CRPPA: variants seen among roughly 807,000 people sequenced by gnomAD.
CRPPA encodes the protein D-ribitol-5-phosphate cytidylyltransferase.
In CRPPA, 43 loss-of-function variants were observed where a neutral mutation model predicts 52.0. That is an observed-to-expected ratio of 0.83 (90% CI 0.65 to 1.07). The LOEUF (loss-of-function observed/expected upper bound fraction) is 1.07. Among genes scored for constraint, CRPPA ranks in the 50% least tolerant of loss-of-function variants. The pLI is 0.00. For synonymous variants in CRPPA, 250 were observed against 203.5 expected, an observed-to-expected ratio of 1.23 and a Z score of -1.94; for missense variants, 629 against 551.7, an observed-to-expected ratio of 1.14 and a Z score of -1.40.
At chr7:16,193,122 T>C (rs1341695599) in intron 9 of CRPPA, among the ~76,000 whole-genome samples, 2 of 152,174 alleles carry the variant, frequency 1.3e-5, no homozygotes, top group Non-Finnish European at 2.9e-5. Flanking sequence ...TGCATTGAAT[T>C]ACAGCTCACT....
At chr7:16,158,935 T>C (rs1288133671) in intron 9 of CRPPA, among the ~76,000 whole-genome samples, 3 of 151,714 alleles carry the variant, frequency 2.0e-5, no homozygotes, top group Admixed American at 2.0e-4. Context: ...TCTTCTTTTG[T>C]GTTTTGTTTT....
intron 9 of CRPPA, among the ~76,000 whole-genome samples, chr7:16,126,864 A>C (rs1183524203): frequency 6.6e-6 from 1 of 152,196 alleles, no homozygotes; most frequent in African/African-American, 2.4e-5. Flanking sequence ...TGTCATAGAA[A>C]AATGAGCAAC....
intron 9 of CRPPA, among the ~76,000 whole-genome samples, chr7:16,146,704 A>G (rs1782981067): frequency 1.3e-5 from 2 of 151,374 alleles, no homozygotes; most frequent in Admixed American, 6.6e-5. Flanking sequence ...AGACTGTTAT[A>G]CCTATAAGAT....
At chr7:16,121,156 C>G (rs773096839) in intron 9 of CRPPA, among the ~76,000 whole-genome samples, 2 of 152,076 alleles carry the variant, frequency 1.3e-5, no homozygotes, top group Non-Finnish European at 2.9e-5. Context: ...GAATTGAAAT[C>G]TAGAGAGTCC....
intron 6 of CRPPA, among the ~76,000 whole-genome samples, chr7:16,272,953 T>C (rs1784121657): frequency 6.7e-6 from 1 of 148,712 alleles, no homozygotes; most frequent in Admixed American, 6.7e-5. Context: ...ATATCCTTTG[T>C]CGCTTTTTTT....
chr7:16,296,137 A>G (rs1784670533), intron 5 of CRPPA, among the ~76,000 whole-genome samples: 1 of 152,180 alleles, frequency 6.6e-6, no homozygotes, highest in Admixed American at 6.5e-5. Context: ...ATAGTTTACC[A>G]TAAATGAAAA....
chr7:16,347,461 G>A (rs1167857886), intron 3 of CRPPA, among the ~76,000 whole-genome samples: 2 of 152,124 alleles, frequency 1.3e-5, no homozygotes, highest in Non-Finnish European at 2.9e-5. Context: ...GGTGCAAACT[G>A]AATAGAGTTC....
chr7:16,285,657 A>G (rs866306261), intron 5 of CRPPA, among the ~76,000 whole-genome samples: 11 of 152,086 alleles, frequency 7.2e-5, no homozygotes, highest in African/African-American at 2.7e-4. Context: ...AAGAAGCCCA[A>G]ATTTTTCTGT....
At chr7:16,223,015 G>C (rs138936916) in intron 8 of CRPPA, among the ~76,000 whole-genome samples, 2 of 152,210 alleles carry the variant, frequency 1.3e-5, no homozygotes, top group African/African-American at 4.8e-5. Context: ...ATCTTGGCCA[G>C]GCATGGTGGC....
chr7:16,379,800 T>C (rs2128312828), intron 2 of CRPPA, among the ~76,000 whole-genome samples: 1 of 152,342 alleles, frequency 6.6e-6, no homozygotes, highest in Non-Finnish European at 1.5e-5. Context: ...TGTCTGTTAT[T>C]GATGTATAAG....
At chr7:16,366,163 G>C (rs945073015) in intron 3 of CRPPA, among the ~76,000 whole-genome samples, 2 of 152,100 alleles carry the variant, frequency 1.3e-5, no homozygotes, top group Non-Finnish European at 2.9e-5. Flanking sequence ...GCTCCCTCAG[G>C]CCTCTTTTCT....
intron 1 of CRPPA, among the ~76,000 whole-genome samples, chr7:16,412,064 C>G (rs1788087695): frequency 6.6e-6 from 1 of 152,098 alleles, no homozygotes; most frequent in Non-Finnish European, 1.5e-5. Flanking sequence ...TACTAGATTG[C>G]CTTAAAATAA....
intron 3 of CRPPA, among the ~76,000 whole-genome samples, chr7:16,311,037 A>T (rs1361712926): frequency 2.0e-5 from 3 of 152,150 alleles, no homozygotes; most frequent in Non-Finnish European, 4.4e-5. Flanking sequence ...AAGACTTTAA[A>T]TATTAGGTTC....
At chr7:16,212,310 T>G (rs1274233534) in intron 9 of CRPPA, among the ~76,000 whole-genome samples, 1 of 152,186 alleles carries the variant, frequency 6.6e-6, no homozygotes, top group African/African-American at 2.4e-5. Context: ...AAGTTCTATT[T>G]CCCACTATAT....
chr7:16,263,012 AC>A (rs1783852232), intron 6 of CRPPA, among the ~76,000 whole-genome samples: 1 of 152,192 alleles, frequency 6.6e-6, no homozygotes, highest in Admixed American at 6.6e-5. Flanking sequence ...CCTGGCTGTC[AC>A]TACTATTTTT....
Position 16,087,813 on chromosome 7 carries a change from T to G in CRPPA, c.*3882A>C, listed in dbSNP as rs1030654359. On this transcript the variant is annotated 3_prime_UTR_variant, in exon 10 of 10. Transcript: ENST00000407010. ...TTCTAAATAACTTCTATCTTTCTTC[T>G]TGCATATGGTTGACATTTTAATTAA... The G allele has an allele frequency of 1.3e-5, 2 of 152,196 alleles. No homozygotes were observed. The highest frequency in any genetic ancestry group is 4.8e-5 in the African/African-American group (2 of 41,460). 9.4% of individuals were successfully genotyped at this position (152,196 alleles called of 1,614,324 possible).
chr7:16,338,393 A>C (rs1479621100), intron 3 of CRPPA, among the ~76,000 whole-genome samples: 6 of 152,184 alleles, frequency 3.9e-5, no homozygotes, highest in Non-Finnish European at 8.8e-5. Flanking sequence ...CAACACAATA[A>C]AGGCTATATA....
chr7:16,312,278 G>A (rs1192063717), intron 3 of CRPPA, among the ~76,000 whole-genome samples: 1 of 151,964 alleles, frequency 6.6e-6, no homozygotes, highest in Non-Finnish European at 1.5e-5. Flanking sequence ...CATTTATGTA[G>A]TTCTTTGAAG....
At chr7:16,162,431 T>C (rs1583400241) in intron 9 of CRPPA, among the ~76,000 whole-genome samples, 1 of 152,358 alleles carries the variant, frequency 6.6e-6, no homozygotes, top group East Asian at 1.9e-4. Context: ...AATTTTGTTA[T>C]CTACACAGGA....
Sources: gnomAD v4.1 joint callset for allele counts (sites outside exome capture counted in the v4.1 genomes callset) on GRCh38, gnomAD v4.1.1 for gene constraint, MANE v1.5 for transcripts, NCBI Gene and HGNC (gene_info 2026-07-23, HGNC 2026-07-21) for gene names.